The following TNIK variants were observed in gnomAD, a reference collection of about 807,000 sequenced individuals.
The protein encoded by TNIK is TRAF2 and NCK-interacting protein kinase.
Under a neutral mutation model 191.3 loss-of-function variants are expected in TNIK, and 49 were observed. That is an observed-to-expected ratio of 0.26 (90% CI 0.20 to 0.32). The LOEUF (loss-of-function observed/expected upper bound fraction) is 0.32, where lower values mean the gene tolerates loss of function less well. Among genes scored for constraint, TNIK ranks in the 10% least tolerant of loss-of-function variants. The pLI is 1.00. For missense variants in TNIK, 1,155 were observed against 1,702.3 expected, an observed-to-expected ratio of 0.68 and a Z score of 5.66; for synonymous variants, 594 against 600.9, an observed-to-expected ratio of 0.99 and a Z score of 0.17.
In TNIK at chr3:171,157,511, C is replaced by T. The variant is rs1268012703; in HGVS notation, c.1170G>A (p.Glu390=). 3.2e-6 allele frequency: 5 copies of T among 1,575,468 alleles called. No homozygotes were observed. The highest frequency in any genetic ancestry group is 4.3e-6 in the Non-Finnish European group (5 of 1,161,032). The part of the protein sequence containing the change: ...NEEHKRQLLA[E]RQKRIEEQKE... ...TCTGCTCCTCGATGCGCTTCTGACG[C>T]TCGGCCAGCAGCTGCCGCTTGTGCT... Residue 390 remains glutamate (E), a synonymous_variant, in exon 12 of 33, where the codon GAG becomes GAA. Coordinates refer to ENST00000436636, the MANE Select transcript of TNIK (RefSeq NM_015028.4).
intron 1 of TNIK, among the ~76,000 whole-genome samples, chr3:171,402,404 G>T (rs1024418205): frequency 6.6e-6 from 1 of 152,208 alleles, no homozygotes; most frequent in Non-Finnish European, 1.5e-5. Flanking sequence ...GGTGTCCAAT[G>T]CACAGGCAAA....
At chr3:171,148,679 C>T (rs1354118) in intron 12 of TNIK, among the ~76,000 whole-genome samples, 135,775 of 152,272 alleles carry the variant, frequency 0.89, 60,834 homozygotes, top group East Asian at 1. Flanking sequence ...CTAACTTATA[C>T]GTAGAAAGGT....
intron 1 of TNIK, among the ~76,000 whole-genome samples, chr3:171,424,262 G>T (rs1392550789): frequency 6.6e-6 from 1 of 152,168 alleles, no homozygotes; most frequent in Non-Finnish European, 1.5e-5. Flanking sequence ...TCAGAGAAAT[G>T]CAAATCAAAA....
At chr3:171,120,467 C>T (rs1007926327) in intron 18 of TNIK, among the ~76,000 whole-genome samples, 2 of 151,862 alleles carry the variant, frequency 1.3e-5, no homozygotes, top group Non-Finnish European at 2.9e-5. Flanking sequence ...ACTACAGGCG[C>T]CTGCCACCAT....
chr3:171,331,313 A>G (rs1377489669), intron 2 of TNIK, among the ~76,000 whole-genome samples: 1 of 152,244 alleles, frequency 6.6e-6, no homozygotes, highest in Non-Finnish European at 1.5e-5. Flanking sequence ...TATGGCAAAG[A>G]GAGCCCTGTA....
intron 32 of TNIK, among the ~76,000 whole-genome samples, chr3:171,064,679 A>C (rs1428534230): frequency 6.6e-6 from 1 of 152,158 alleles, no homozygotes; most frequent in Non-Finnish European, 1.5e-5. Context: ...ACGTGAGAAA[A>C]ATTTGGGTTA....
intron 2 of TNIK, among the ~76,000 whole-genome samples, chr3:171,320,598 C>T (rs1755070327): frequency 6.7e-6 from 1 of 150,128 alleles, no homozygotes; most frequent in African/African-American, 2.5e-5. Context: ...AGATGTCTTT[C>T]TCAAATACAT....
At chr3:171,096,942 T>C (rs1170081509) in intron 22 of TNIK, among the ~76,000 whole-genome samples, 1 of 152,222 alleles carries the variant, frequency 6.6e-6, no homozygotes, top group Non-Finnish European at 1.5e-5. Context: ...CAGGATATTA[T>C]TTGGATATTT....
intron 2 of TNIK, among the ~76,000 whole-genome samples, chr3:171,321,757 T>C (rs1457423408): frequency 1.3e-5 from 2 of 152,176 alleles, no homozygotes; most frequent in African/African-American, 4.8e-5. Flanking sequence ...TAGCGAGATA[T>C]GAAATAACTG....
chr3:171,224,026 A>G (rs551620867), intron 3 of TNIK, among the ~76,000 whole-genome samples: 3 of 152,120 alleles, frequency 2.0e-5, no homozygotes, highest in Non-Finnish European at 2.9e-5. Flanking sequence ...GAGAGTAAGG[A>G]ATTGGCCCAG....
At position 171,300,840 on chromosome 3, in the gene TNIK, G is replaced by T. The variant is rs150860020; in HGVS notation, c.123+68780C>A. On this transcript the variant is annotated intron_variant, in intron 2 of 32. Coordinates refer to ENST00000436636, the MANE Select transcript of TNIK (RefSeq NM_015028.4). ...ATGTCTGTTCAATTGGTTCCTTGAT[G>T]CGGTTTCTGCCTTGAAGCTCCGTTT... Among the ~76,000 whole-genome samples, 267 of 152,258 alleles carry T rather than the reference G, an allele frequency of 1.8e-3. 3 individuals are homozygous for T. Among genetic ancestry groups the T allele is most frequent in the African/African-American group, 6.1e-3 (254 of 41,564 alleles).
At chr3:171,137,991 C>G (rs916755695) in intron 15 of TNIK, among the ~76,000 whole-genome samples, 200 bp downstream of exon 15, 1 of 138,808 alleles carries the variant, frequency 7.2e-6, no homozygotes, top group Non-Finnish European at 1.6e-5. Context: ...AAAACAAAAA[C>G]AAAACCTCAC....
chr3:171,349,705 G>A (rs1456556744), intron 2 of TNIK, among the ~76,000 whole-genome samples: 1 of 152,178 alleles, frequency 6.6e-6, no homozygotes, highest in African/African-American at 2.4e-5. Context: ...CAACATTCCT[G>A]TAATCCATTC....
chr3:171,109,893 A>G (rs1418412272), intron 19 of TNIK, among the ~76,000 whole-genome samples: 1 of 152,044 alleles, frequency 6.6e-6, no homozygotes, highest in African/African-American at 2.4e-5. Context: ...AATAGGAATA[A>G]CCAGAGGAGT....
At chr3:171,372,836 AC>A (rs1376472942) in intron 1 of TNIK, among the ~76,000 whole-genome samples, 1 of 152,200 alleles carries the variant, frequency 6.6e-6, no homozygotes, top group Non-Finnish European at 1.5e-5. Context: ...AGAAATAAGA[AC>A]CAGTCTGGAA....
intron 1 of TNIK, among the ~76,000 whole-genome samples, chr3:171,418,900 G>A (rs1290818300): frequency 1.3e-5 from 2 of 152,238 alleles, no homozygotes; most frequent in East Asian, 3.9e-4. Flanking sequence ...ATCTCAGATC[G>A]TGGTCCAGCT....
Position 171,346,583 on chromosome 3 carries a change from T to G in TNIK, c.123+23037A>C, listed in dbSNP as rs553518057. On this transcript the variant is annotated intron_variant, in intron 2 of 32. Transcript: ENST00000436636. ...TGATAAATATATTATTCAACCAATG[T>G]GTATCACTATAATCTGAGTTTAGCA... Among the ~76,000 whole-genome samples, 3 of 152,266 alleles carry G rather than the reference T, an allele frequency of 2.0e-5. No individual in the cohort carries two copies. The East Asian group carries it at 5.8e-4, about 29-fold the overall frequency.
At chr3:171,403,547 G>C (rs1721228845) in intron 1 of TNIK, among the ~76,000 whole-genome samples, 1 of 149,658 alleles carries the variant, frequency 6.7e-6, no homozygotes, top group Non-Finnish European at 1.5e-5. Flanking sequence ...CCGGGAAGCA[G>C]AGGTTGCAGT....
At chr3:171,241,156 G>A (rs13061179) in intron 2 of TNIK, among the ~76,000 whole-genome samples, 8,137 of 151,620 alleles carry the variant, frequency 0.054, 316 homozygotes, top group Middle Eastern at 0.12. Context: ...TCAGCCTCCC[G>A]AGTAGCTGGG....
Sources: gnomAD v4.1 joint callset for allele counts (sites outside exome capture counted in the v4.1 genomes callset) on GRCh38, gnomAD v4.1.1 for gene constraint, MANE v1.5 for transcripts, NCBI Gene and HGNC (gene_info 2026-07-23, HGNC 2026-07-21) for gene names.